NUP93: variants seen among roughly 807,000 people sequenced by gnomAD.
NUP93 encodes the protein nuclear pore complex protein Nup93.
In NUP93, 55 loss-of-function variants were observed where a neutral mutation model predicts 107.8. The ratio of observed to expected loss-of-function variants is 0.51; its 90% CI spans 0.41 to 0.64. The LOEUF (loss-of-function observed/expected upper bound fraction) is 0.64, where lower values mean the gene tolerates loss of function less well. Among genes scored for constraint, NUP93 ranks in the 30% least tolerant of loss-of-function variants. The pLI is 0.00. For missense variants in NUP93, 937 were observed against 1,044.7 expected (o/e 0.90, Z 1.42); for synonymous variants, 390 against 397.5 (o/e 0.98, Z 0.22).
In NUP93 at chr16:56,747,398, G is replaced by A. The variant is rs558771836; in HGVS notation, c.-14-836G>A. On this transcript the variant is annotated intron_variant, in intron 1 of 21. Coordinates refer to ENST00000308159, the MANE Select transcript of NUP93 (RefSeq NM_014669.5). Reference sequence around the variant, plus strand: ...AAGAACCTTATATAAGAATAGTGCAGTATATATTCTGTACTACTGGCATTT... The same window carrying A: ...AAGAACCTTATATAAGAATAGTGCAATATATATTCTGTACTACTGGCATTT... 7.9e-5 allele frequency among the ~76,000 whole-genome samples: 12 copies of A among 152,316 alleles called. No individual in the cohort carries two copies. In the East Asian group the frequency reaches 2.3e-3, roughly 29 times the overall value.
At chr16:56,768,600 G>A (rs1962258384) in intron 3 of NUP93, among the ~76,000 whole-genome samples, 1 of 151,644 alleles carries the variant, frequency 6.6e-6, no homozygotes. Flanking sequence ...AGGTGTGGTG[G>A]CTCACGCCTG....
At chr16:56,766,024 T>C (rs960327790) in intron 3 of NUP93, among the ~76,000 whole-genome samples, 2 of 152,238 alleles carry the variant, frequency 1.3e-5, no homozygotes, top group African/African-American at 2.4e-5. Flanking sequence ...TGTGAAAAAC[T>C]GCTTTTATGT....
Position 56,844,676 on chromosome 16 carries a change from C to G in NUP93, c.*67C>G, listed in dbSNP as rs1443403238. 1 of 901,760 alleles carries G rather than the reference C, an allele frequency of 1.1e-6. No homozygotes were observed. Among genetic ancestry groups the G allele is most frequent in the Admixed American group, 2.8e-5 (1 of 35,254 alleles). The allele number at this position is 901,760 out of a possible 1,614,324, so 55.9% of individuals were successfully genotyped here. A position where few individuals can be genotyped will look rare whatever the true frequency, so the allele number is the denominator to read the frequency against. On this transcript the variant is annotated 3_prime_UTR_variant, in exon 22 of 22. Transcript: ENST00000308159. ...ACATCAGGCACATGGGCCCACTAGGCTGGGGTTTCTGGTTTTGTTTCTGTT... is the reference window on the plus strand; with the variant it reads ...ACATCAGGCACATGGGCCCACTAGGGTGGGGTTTCTGGTTTTGTTTCTGTT...
intron 3 of NUP93, among the ~76,000 whole-genome samples, chr16:56,765,219 A>G (rs1198162875): frequency 6.6e-6 from 1 of 152,258 alleles, no homozygotes; most frequent in Non-Finnish European, 1.5e-5. Context: ...CACATAATAT[A>G]AAAATATAAG....
chr16:56,844,131 GA>G (rs1467931180), intron 21 of NUP93, among the ~76,000 whole-genome samples: 1 of 152,222 alleles, frequency 6.6e-6, no homozygotes, highest in African/African-American at 2.4e-5. Context: ...CAGATGGACA[GA>G]AACCAGCCAG....
chr16:56,814,679 G>C (rs1963384770), intron 5 of NUP93, among the ~76,000 whole-genome samples: 1 of 152,206 alleles, frequency 6.6e-6, no homozygotes, highest in African/African-American at 2.4e-5. Context: ...ACTTTTCTCA[G>C]TTTGTGCTCC....
At position 56,846,695 on chromosome 16, in the gene NUP93, G is replaced by T. The variant is rs528359470; in HGVS notation, c.*2086G>T. The stretch of plus-strand genomic sequence containing the variant: ...ACTGCACTCCAGCCTAGGCGATGGA[G>T]TGAGGCTCTGATTCAAAAATAAAAA... On this transcript the variant is annotated 3_prime_UTR_variant, in exon 22 of 22. Coordinates refer to ENST00000308159, the MANE Select transcript of NUP93 (RefSeq NM_014669.5). 6.6e-6 allele frequency: 1 copy of T among 152,234 alleles called. No individual in the cohort carries two copies. Among genetic ancestry groups the T allele is most frequent in the Non-Finnish European group, 1.5e-5 (1 of 68,042 alleles). 9.4% of individuals were successfully genotyped at this position (152,234 alleles called of 1,614,324 possible).
intron 15 of NUP93, 101 bp downstream of exon 15, chr16:56,834,543 A>G: frequency 7.9e-7 from 1 of 1,271,714 alleles, no homozygotes; most frequent in Non-Finnish European, 1.1e-6. Flanking sequence ...GTGGTGGATA[A>G]GGCCTAGGGA....
At chr16:56,809,440 G>C (rs1335326707) in intron 5 of NUP93, among the ~76,000 whole-genome samples, 1 of 152,118 alleles carries the variant, frequency 6.6e-6, no homozygotes, top group Non-Finnish European at 1.5e-5. Flanking sequence ...AAATTTAGAG[G>C]TGAAGATTTA....
rs1397322979 is a variant in NUP93 at position 56,808,730 on chromosome 16, CATATATAAAATACATATATAA to C, written c.489+3109_489+3129del. ...ATACATATATAAATATATATAAATA[CATATATAAAATACATATATAA>C]ATATATAAAAATACATATATATAAA... On this transcript the variant is annotated intron_variant, in intron 5 of 21. Coordinates refer to ENST00000308159, the MANE Select transcript of NUP93 (RefSeq NM_014669.5). Among the ~76,000 whole-genome samples the C allele has an allele frequency of 1.6e-3, 47 of 29,146 alleles. No homozygotes were observed. In the East Asian group the frequency reaches 0.18, roughly 113 times the overall value. 19.1% of individuals were successfully genotyped at this position (29,146 alleles called of 152,430 possible). A position where few individuals can be genotyped will look rare whatever the true frequency, so the allele number is the denominator to read the frequency against.
chr16:56,805,954 C>T (rs1208450102), intron 5 of NUP93, among the ~76,000 whole-genome samples: 1 of 151,552 alleles, frequency 6.6e-6, no homozygotes, highest in African/African-American at 2.4e-5. Context: ...CTTTAAATAC[C>T]TATCATCTAT....
intron 5 of NUP93, among the ~76,000 whole-genome samples, chr16:56,808,883 T>C (rs778213042): frequency 2.0e-5 from 3 of 150,024 alleles, no homozygotes; most frequent in South Asian, 2.1e-4. Flanking sequence ...CATTCAGATA[T>C]TAAAGCACCC....
chr16:56,776,761 T>C (rs1352607637), intron 3 of NUP93, among the ~76,000 whole-genome samples: 1 of 152,232 alleles, frequency 6.6e-6, no homozygotes, highest in Non-Finnish European at 1.5e-5. Flanking sequence ...CCCATAGTGC[T>C]GTGCCAAGAG....
intron 5 of NUP93, among the ~76,000 whole-genome samples, chr16:56,806,398 G>C (rs1963140636): frequency 6.6e-6 from 1 of 151,840 alleles, no homozygotes; most frequent in African/African-American, 2.4e-5. Flanking sequence ...ATTGAACTTG[G>C]CCTCCTAACT....
chr16:56,805,690 T>C, intron 5 of NUP93, 58 bp downstream of exon 5: 1 of 1,541,160 alleles, frequency 6.5e-7, no homozygotes, highest in Non-Finnish European at 8.8e-7. Flanking sequence ...CAAAGAATAC[T>C]TGTCTACTTG....
chr16:56,751,542 T>C (rs1245830145), intron 2 of NUP93, among the ~76,000 whole-genome samples: 1 of 152,264 alleles, frequency 6.6e-6, no homozygotes, highest in Non-Finnish European at 1.5e-5. Context: ...ATTTGTATGG[T>C]ACTTTTCAGT....
At chr16:56,811,999 C>A (rs1963325883) in intron 5 of NUP93, among the ~76,000 whole-genome samples, 1 of 152,076 alleles carries the variant, frequency 6.6e-6, no homozygotes, top group East Asian at 1.9e-4. Context: ...TCAAAAAAAT[C>A]TTTGCATATA....
At chr16:56,738,467 T>C (rs1961647225) in intron 1 of NUP93, among the ~76,000 whole-genome samples, 1 of 152,246 alleles carries the variant, frequency 6.6e-6, no homozygotes, top group Non-Finnish European at 1.5e-5. Flanking sequence ...GTACTGCTAC[T>C]AAATCACCCA....
intron 1 of NUP93, among the ~76,000 whole-genome samples, chr16:56,747,165 A>AT (rs1302053367): frequency 1.3e-5 from 2 of 151,874 alleles, no homozygotes; most frequent in African/African-American, 2.4e-5. Context: ...TGCCCAGCTA[A>AT]TTTTTGTATT....
Sources: allele counts gnomAD v4.1 joint callset (sites outside exome capture counted in the v4.1 genomes callset), GRCh38; gene constraint gnomAD v4.1.1; transcripts MANE v1.5; gene names NCBI Gene and HGNC (gene_info 2026-07-23, HGNC 2026-07-21).